The following PFKP variants were observed in gnomAD, a reference collection of about 807,000 sequenced individuals.
The protein encoded by PFKP is phosphofructokinase, platelet.
In PFKP, 101 loss-of-function variants were observed where a neutral mutation model predicts 94.3. The observed-to-expected ratio is 1.07, with a 90% CI of 0.91 to 1.26. The LOEUF (loss-of-function observed/expected upper bound fraction) is 1.26, where lower values mean the gene tolerates loss of function less well. Among genes scored for constraint, PFKP ranks in the 50% most tolerant of loss-of-function variants. PFKP has a pLI of 0.00. For missense variants in PFKP, 1,145 were observed against 1,103.3 expected (o/e 1.04, Z -0.53); for synonymous variants, 573 against 432.6 (o/e 1.32, Z -4.03).
intron 2 of PFKP, among the ~76,000 whole-genome samples, chr10:3,091,298 C>T (rs973244816): frequency 7.9e-5 from 12 of 152,138 alleles, no homozygotes; most frequent in East Asian, 5.8e-4. Flanking sequence ...ATATCAGATG[C>T]TTTGACCCAA....
In PFKP at chr10:3,083,933, G is replaced by A. The variant is rs1035141617; in HGVS notation, c.186+1472G>A. Among the ~76,000 whole-genome samples the A allele has an allele frequency of 5.3e-5, 8 of 152,144 alleles. 1 individual carries two copies. Among genetic ancestry groups the A allele is most frequent in the African/African-American group, 1.9e-4 (8 of 41,420 alleles). ...GCTGGGATTACAGGTGTGAGCCGCC[G>A]CGCCCAGCCAACTGTTGCTTTAAAT... On this transcript the variant is annotated intron_variant, in intron 2 of 21. Coordinates refer to ENST00000381125, the MANE Select transcript of PFKP (RefSeq NM_002627.5).
At chr10:3,096,229 G>T (rs1316408953) in intron 2 of PFKP, among the ~76,000 whole-genome samples, 2 of 152,136 alleles carry the variant, frequency 1.3e-5, no homozygotes, top group South Asian at 4.1e-4. Context: ...GGGATAGCGC[G>T]TGCTCCAGGA....
At chr10:3,102,323 A>G (rs1046073108) in intron 4 of PFKP, among the ~76,000 whole-genome samples, 2 of 151,522 alleles carry the variant, frequency 1.3e-5, no homozygotes, top group Non-Finnish European at 2.9e-5. Flanking sequence ...ATCTCTGCCA[A>G]TACATCATCC....
At position 3,136,421 on chromosome 10, in the gene PFKP, C is replaced by A. The variant is rs372477260; in HGVS notation, c.2226-29C>A. 21 of 1,611,800 alleles carry A rather than the reference C, an allele frequency of 1.3e-5. No homozygotes were observed. The East Asian group carries it at 2.5e-4, about 19-fold the overall frequency. ...GCATCTCCCGCCAGTGACTGCAGGCCTCACTGCTGTCTCCTCTTACCTCCA... is the reference window on the plus strand; with the variant it reads ...GCATCTCCCGCCAGTGACTGCAGGCATCACTGCTGTCTCCTCTTACCTCCA... On this transcript the variant is annotated intron_variant, in intron 21 of 21. Transcript: ENST00000381125.
In PFKP at chr10:3,099,321, A is replaced by C. The variant is rs1244277706; in HGVS notation, c.233A>C (p.Asp78Ala). The C allele has an allele frequency of 6.2e-7, 1 of 1,614,072 alleles. No individual in the cohort carries two copies. The highest frequency in any genetic ancestry group is 8.5e-7 in the Non-Finnish European group (1 of 1,180,010). Reference sequence around the variant, plus strand: ...GGAGGCTCAAACATCGCAGAGGCCGACTGGGAGAGTGTCTCCAGCATCCTG... The same window carrying C: ...GGAGGCTCAAACATCGCAGAGGCCGCCTGGGAGAGTGTCTCCAGCATCCTG... ...VDGGSNIAEA[D>A]WESVSSILQV... Residue 78 changes from aspartate (D) to alanine (A), a missense_variant, in exon 3 of 22, where the codon GAC (aspartate) becomes GCC (alanine). This residue lies in a region of PFKP where 1,119 missense variants were observed against 1,062.8 expected (regional missense o/e 1.05). Coordinates refer to ENST00000381125, the MANE Select transcript of PFKP (RefSeq NM_002627.5).
intron 1 of PFKP, among the ~76,000 whole-genome samples, chr10:3,078,706 C>T (rs139277135): frequency 1.9e-3 from 290 of 152,328 alleles, no homozygotes; most frequent in African/African-American, 6.7e-3. Flanking sequence ...CCCCTAAGAG[C>T]CTCAGCTTTC....
At chr10:3,109,549 C>G (rs760582066) in intron 10 of PFKP, 69 bp downstream of exon 10, 1 of 1,560,460 alleles carries the variant, frequency 6.4e-7, no homozygotes, top group Non-Finnish European at 8.6e-7. Context: ...GTCAGGCCAG[C>G]CTGGGCACCT....
At position 3,067,715 on chromosome 10, in the gene PFKP, C is replaced by A; in HGVS notation, c.112+8C>A. 3 of 1,439,304 alleles carry A rather than the reference C, an allele frequency of 2.1e-6. No individual in the cohort carries two copies. Among genetic ancestry groups the A allele is most frequent in the South Asian group, 1.3e-5 (1 of 77,448 alleles). 89.2% of individuals were successfully genotyped at this position (1,439,304 alleles called of 1,614,324 possible). On this transcript the variant is annotated splice_region_variant and intron_variant, in intron 1 of 21. Coordinates refer to ENST00000381125, the MANE Select transcript of PFKP (RefSeq NM_002627.5). ...GCGGCGGGGATGCTCAAGGTGCGCGCCCCCCTCCCGGCGGCGAGGGAGGGA... is the reference window on the plus strand; with the variant it reads ...GCGGCGGGGATGCTCAAGGTGCGCGACCCCCTCCCGGCGGCGAGGGAGGGA...
chr10:3,125,111 G>C, intron 16 of PFKP: 1 of 1,315,642 alleles, frequency 7.6e-7, no homozygotes, highest in South Asian at 1.3e-5. Flanking sequence ...ACAAGAGTGC[G>C]TGCGACATGG....
At chr10:3,110,836 A>G (rs1335167059) in intron 10 of PFKP, among the ~76,000 whole-genome samples, 1 of 150,292 alleles carries the variant, frequency 6.7e-6, no homozygotes, top group Non-Finnish European at 1.5e-5. Flanking sequence ...ATGTATGTGT[A>G]TGTTTATATG....
Position 3,129,929 on chromosome 10 carries a change from C to A in PFKP, c.1794C>A (p.Ala598=), listed in dbSNP as rs1052333. ...TGGCCAACATGGGGGGGCTCGCGGC[C>A]GGAGCTGATGCCGCATACATTTTCG... is the stretch of plus-strand genomic sequence containing the variant. ...GYLANMGGLA[A]GADAAYIFEE... Residue 598 remains alanine (A), a synonymous_variant, in exon 17 of 22, where the codon GCC becomes GCA. Transcript: ENST00000381125. 6.2e-7 allele frequency: 1 copy of A among 1,609,852 alleles called. No individual in the cohort carries two copies. The highest frequency in any genetic ancestry group is 1.1e-5 in the South Asian group (1 of 90,676).
intron 2 of PFKP, among the ~76,000 whole-genome samples, chr10:3,088,389 T>C (rs1223727080): frequency 6.6e-6 from 1 of 152,146 alleles, no homozygotes; most frequent in Non-Finnish European, 1.5e-5. Flanking sequence ...CTTAATCCAG[T>C]CTATCACTGA....
chr10:3,100,862 C>CAAAATAAAAAAAT (rs754923021), intron 3 of PFKP: 5 of 653,978 alleles, frequency 7.6e-6, no homozygotes, highest in African/African-American at 2.5e-5. Flanking sequence ...GTATGTGGTG[C>CAAAATAAAAAAAT]AAAAAAAAAA....
At chr10:3,098,502 C>T (rs1037794218) in intron 2 of PFKP, among the ~76,000 whole-genome samples, 2 of 151,680 alleles carry the variant, frequency 1.3e-5, no homozygotes, top group African/African-American at 4.9e-5. Flanking sequence ...GGTGAAGCCC[C>T]GTCTCTACTA....
At chr10:3,133,946 T>C (rs1838902123) in intron 19 of PFKP, among the ~76,000 whole-genome samples, 1 of 152,222 alleles carries the variant, frequency 6.6e-6, no homozygotes, top group South Asian at 2.1e-4. Flanking sequence ...ACATGTAGTA[T>C]ACTTGACACC....
At chr10:3,133,158 G>A (rs1465205847) in intron 18 of PFKP, 45 bp from the exon 19 acceptor site, 2 of 1,417,330 alleles carry the variant, frequency 1.4e-6, no homozygotes, top group Non-Finnish European at 2.0e-6. Flanking sequence ...GGAGCCACGT[G>A]CCCACTGCAC....
At chr10:3,110,676 GTA>G (rs1352311245) in intron 10 of PFKP, among the ~76,000 whole-genome samples, 3 of 152,154 alleles carry the variant, frequency 2.0e-5, no homozygotes, top group Non-Finnish European at 4.4e-5. Context: ...GTATTTGTGT[GTA>G]TGTGTGTGAG....
chr10:3,108,470 T>G (rs1835850367), intron 8 of PFKP, among the ~76,000 whole-genome samples: 1 of 152,230 alleles, frequency 6.6e-6, no homozygotes, highest in African/African-American at 2.4e-5. Flanking sequence ...ATTTTCTAGG[T>G]GCGAGCCAAG....
rs572111047 is a variant in PFKP, at chr10:3,105,576, G to A, written c.774+75G>A. The stretch of plus-strand genomic sequence containing the variant: ...CTTTAATCAGGATCCCAAGTGGGAC[G>A]GCATTTTAAGCAAGTGAAAAAATTT... On this transcript the variant is annotated intron_variant, in intron 7 of 21. Coordinates refer to ENST00000381125, the MANE Select transcript of PFKP (RefSeq NM_002627.5). 90 of 1,044,518 alleles carry A rather than the reference G, an allele frequency of 8.6e-5. No homozygotes were observed. The African/African-American group carries it at 1.1e-3, about 12-fold the overall frequency. The allele number at this position is 1,044,518 out of a possible 1,614,324, so 64.7% of individuals were successfully genotyped here. A position where few individuals can be genotyped will look rare whatever the true frequency, so the allele number is the denominator to read the frequency against.
Sources: gnomAD v4.1 joint callset for allele counts (sites outside exome capture counted in the v4.1 genomes callset) on GRCh38, gnomAD v4.1.1 for gene constraint, gnomAD v4.1.1 regional missense constraint, MANE v1.5 for transcripts, NCBI Gene and HGNC (gene_info 2026-07-23, HGNC 2026-07-21) for gene names.